PER2: variants seen among roughly 807,000 people sequenced by gnomAD.
PER2 encodes the protein period circadian protein homolog 2.
Under a neutral mutation model 121.0 loss-of-function variants are expected in PER2, and 66 were observed. The observed-to-expected ratio is 0.55, with a 90% CI of 0.45 to 0.67. The LOEUF is 0.67. PER2 is among the 30% of genes least tolerant of loss of function. The probability of loss-of-function intolerance (pLI) is 0.00; values close to 1 mark genes in which losing one functional copy is unlikely to be tolerated. For synonymous variants in PER2, 684 were observed against 659.9 expected, an observed-to-expected ratio of 1.04 and a Z score of -0.56; for missense variants, 1,521 against 1,635.0, an observed-to-expected ratio of 0.93 and a Z score of 1.20.
At chr2:238,298,538 C>G in the PER2 span, 1 of 152,228 alleles carries the variant, frequency 6.6e-6, no homozygotes, top group Non-Finnish European at 1.5e-5. Context: ...CAAACTATGG[C>G]CTGTTCTTCC....
intron 1 of PER2, among the ~76,000 whole-genome samples, chr2:238,281,090 G>T (rs553931003): frequency 6.6e-6 from 1 of 150,486 alleles, no homozygotes; most frequent in South Asian, 2.1e-4. Flanking sequence ...GGCAACCTCC[G>T]CCTCCTGGGT....
chr2:238,282,394 TGGGACCTAAGCTCCATG>T lies in PER2; in HGVS notation c.-19-4456_-19-4440del, dbSNP rs1186813284. Among the ~76,000 whole-genome samples, 5 of 152,226 alleles carry T rather than the reference TGGGACCTAAGCTCCATG, an allele frequency of 3.3e-5. No homozygotes were observed. The East Asian group carries it at 9.7e-4, about 30-fold the overall frequency. On this transcript the variant is annotated intron_variant, in intron 1 of 22. Transcript: ENST00000254657. ...GGCTGTTTACTGCCTGCCTCCCCTC[TGGGACCTAAGCTCCATG>T]GGGGCAGGGGTTTGCGTTGGTCAAT... is the stretch of plus-strand genomic sequence containing the variant.
At chr2:238,279,765 G>C (rs528035412) in intron 1 of PER2, among the ~76,000 whole-genome samples, 1 of 152,200 alleles carries the variant, frequency 6.6e-6, no homozygotes, top group Non-Finnish European at 1.5e-5. Context: ...TTGGTCGGGG[G>C]GAGGGATCAT....
rs1276545982 is a variant in PER2 at position 238,286,714 on chromosome 2, G to A, written c.-20+1635C>T. On this transcript the variant is annotated intron_variant, in intron 1 of 22. Coordinates refer to ENST00000254657, the MANE Select transcript of PER2 (RefSeq NM_022817.3). ...GAGCCTGTCTTTCTTCTGACTAAACGCCAAGTGGCCCTGCCAGCTGTTCAA... is the reference window on the plus strand; with the variant it reads ...GAGCCTGTCTTTCTTCTGACTAAACACCAAGTGGCCCTGCCAGCTGTTCAA... Among the ~76,000 whole-genome samples the A allele has an allele frequency of 3.9e-5, 6 of 152,188 alleles. No homozygotes were observed. The South Asian group carries it at 1.2e-3, about 32-fold the overall frequency.
At position 238,246,247 on chromosome 2, in the gene PER2, T is replaced by G; in HGVS notation, c.*128A>C. The stretch of plus-strand genomic sequence containing the variant: ...CTTCAGAAAACTATGTTGTTTTTTT[T>G]TCTAAAACAAAAAAAGCAACATGAG... On this transcript the variant is annotated 3_prime_UTR_variant, in exon 23 of 23. Coordinates refer to ENST00000254657, the MANE Select transcript of PER2 (RefSeq NM_022817.3). The G allele has an allele frequency of 1.6e-6, 1 of 626,550 alleles. No individual in the cohort carries two copies. The highest frequency in any genetic ancestry group is 2.5e-6 in the Non-Finnish European group (1 of 392,510). The allele number at this position is 626,550 out of a possible 1,614,324, so 38.8% of individuals were successfully genotyped here. A position where few individuals can be genotyped will look rare whatever the true frequency, so the allele number is the denominator to read the frequency against.
intron 2 of PER2, among the ~76,000 whole-genome samples, chr2:238,277,489 C>T (rs769462585): frequency 1.3e-5 from 2 of 152,208 alleles, no homozygotes; most frequent in Non-Finnish European, 2.9e-5. Flanking sequence ...GATCTCCTTA[C>T]ACTACCCAGT....
In PER2 at chr2:238,251,667, G is replaced by A. The variant is rs1207980883; in HGVS notation, c.3206C>T (p.Ser1069Leu). Residue 1069 changes from serine to leucine, a missense_variant, in exon 20 of 23, where the codon TCG becomes TTG. Ser to Leu is a moderately radical substitution (Grantham distance 145). Coordinates refer to ENST00000254657, the MANE Select transcript of PER2 (RefSeq NM_022817.3). The stretch of plus-strand genomic sequence containing the variant: ...CAGAGACTCCGAAGCAGCAGAGCCC[G>A]AGGCTGAGCAGAGGTCCTCATTCAG... ...LLLNEDLCSA[S>L]GSAASESLGS... The A allele has an allele frequency of 3.1e-6, 5 of 1,614,114 alleles. No individual in the cohort carries two copies. Among genetic ancestry groups the A allele is most frequent in the East Asian group, 4.5e-5 (2 of 44,890 alleles).
intron 8 of PER2, among the ~76,000 whole-genome samples, chr2:238,266,273 C>T (rs1204921900): frequency 1.3e-5 from 2 of 151,314 alleles, no homozygotes; most frequent in Non-Finnish European, 2.9e-5. Flanking sequence ...GAGTTACATA[C>T]TTGGATTCAA....
chr2:238,259,317 T>C (rs769378553), intron 14 of PER2, among the ~76,000 whole-genome samples: 3 of 152,234 alleles, frequency 2.0e-5, no homozygotes, highest in Admixed American at 6.5e-5. Flanking sequence ...GGGACTGGGA[T>C]GCATGCATGT....
chr2:238,277,637 A>G, intron 2 of PER2, 70 bp downstream of exon 2: 2 of 1,552,870 alleles, frequency 1.3e-6, no homozygotes, highest in Non-Finnish European at 1.8e-6. Context: ...AAAGCAATCA[A>G]ATCACAGCAG....
chr2:238,256,036 AG>A (rs1417651843), intron 17 of PER2, 125 bp from the exon 18 acceptor site: 2 of 1,202,774 alleles, frequency 1.7e-6, no homozygotes, highest in Non-Finnish European at 1.2e-6. Flanking sequence ...CTGTGGCATG[AG>A]GATGAGACTC....
rs1695603057 is a variant in PER2 at position 238,251,640 on chromosome 2, C to A, written c.3233G>T (p.Gly1078Val). 4 of 1,614,168 alleles carry A rather than the reference C, an allele frequency of 2.5e-6. No homozygotes were observed. Among genetic ancestry groups the A allele is most frequent in the Non-Finnish European group, 3.4e-6 (4 of 1,180,002 alleles). The change falls in exon 20 of 23, where the codon GGC becomes GTC. Residue 1078 changes from glycine (G) to valine (V), a missense_variant. Physicochemically the swap from Gly to Val is moderately radical, Grantham distance 109. Transcript: ENST00000254657. Reference sequence around the variant, plus strand: ...GGCGTCGCAGCCCAGTGAGCCGGAGCCCAGAGACTCCGAAGCAGCAGAGCC... The same window carrying A: ...GGCGTCGCAGCCCAGTGAGCCGGAGACCAGAGACTCCGAAGCAGCAGAGCC... The part of the protein sequence containing the change: ...ASGSAASESL[G>V]SGSLGCDASP...
At chr2:238,289,362 GC>G (rs1696901961), upstream of PER2, 1 of 152,240 alleles carries the variant, frequency 6.6e-6, no homozygotes, top group Non-Finnish European at 1.5e-5. Flanking sequence ...GCACCGCCCT[GC>G]AGCAGCTCCG....
intron 14 of PER2, among the ~76,000 whole-genome samples, chr2:238,259,325 T>C (rs1255890046): frequency 6.6e-6 from 1 of 152,152 alleles, no homozygotes; most frequent in Non-Finnish European, 1.5e-5. Context: ...GATGCATGCA[T>C]GTGTGCACAC....
upstream of PER2, among the ~76,000 whole-genome samples, chr2:238,294,454 G>T (rs1181282465): frequency 6.6e-6 from 1 of 152,188 alleles, no homozygotes; most frequent in Non-Finnish European, 1.5e-5. Flanking sequence ...CGAGTTTGGG[G>T]CTTCACATTC....
intron 22 of PER2, among the ~76,000 whole-genome samples, chr2:238,248,189 C>T (rs1003101001): frequency 1.2e-4 from 19 of 152,190 alleles, no homozygotes; most frequent in Admixed American, 6.5e-5. Flanking sequence ...GGCCTGGAGA[C>T]CAAGGGCAGC....
In PER2 at chr2:238,288,572, C is replaced by A. The variant is rs1399190818; in HGVS notation, c.-243G>T. ...CCGCTGCCCGAGCCGGCGCTGGGAC[C>A]CCGACCTGCCCGAGGCCCGCGCGCC... On this transcript the variant is annotated 5_prime_UTR_variant, in exon 1 of 23. Coordinates refer to ENST00000254657, the MANE Select transcript of PER2 (RefSeq NM_022817.3). The A allele has an allele frequency of 2.0e-5, 3 of 151,450 alleles. No homozygotes were observed. The highest frequency in any genetic ancestry group is 7.3e-5 in the African/African-American group (3 of 41,306). The allele number at this position is 151,450 out of a possible 1,614,324, so 9.4% of individuals were successfully genotyped here.
At chr2:238,270,348 G>C (rs1199230111) in intron 6 of PER2, among the ~76,000 whole-genome samples, 1 of 151,998 alleles carries the variant, frequency 6.6e-6, no homozygotes, top group African/African-American at 2.4e-5. Flanking sequence ...CATCAGAAAT[G>C]AAGGAAGAGG....
At chr2:238,282,021 T>C (rs1228110049) in intron 1 of PER2, among the ~76,000 whole-genome samples, 1 of 152,126 alleles carries the variant, frequency 6.6e-6, no homozygotes, top group Non-Finnish European at 1.5e-5. Context: ...CTGGCCCTGC[T>C]ATGGTTAACA....
Sources: gnomAD v4.1 joint callset for allele counts (sites outside exome capture counted in the v4.1 genomes callset) on GRCh38, gnomAD v4.1.1 for gene constraint, MANE v1.5 for transcripts, NCBI Gene and HGNC (gene_info 2026-07-23, HGNC 2026-07-21) for gene names.